PLD4: variants seen among roughly 807,000 people sequenced by gnomAD.
PLD4 encodes phospholipase D family member 4, also known as 5'-3' exonuclease PLD4.
PLD4 carries 54 observed loss-of-function variants against 52.3 expected under a neutral mutation model. That is an observed-to-expected ratio of 1.03 (90% confidence interval 0.83 to 1.30). PLD4 has a LOEUF of 1.30. PLD4 is among the 50% of genes most tolerant of loss of function. PLD4 has a pLI of 0.00. For missense variants in PLD4, 731 were observed against 671.1 expected (o/e 1.09, Z -0.99); for synonymous variants, 264 against 286.5 (o/e 0.92, Z 0.79).
chr14:104,929,248 G>A, intron 4 of PLD4, 59 bp from the exon 5 acceptor site: 2 of 1,567,684 alleles, frequency 1.3e-6, no homozygotes, highest in African/African-American at 2.7e-5. Context: ...GGGTCCTAGT[G>A]GGGATGCGGA....
chr14:104,929,059 C>T, intron 4 of PLD4, 127 bp downstream of exon 4: 1 of 1,317,214 alleles, frequency 7.6e-7, no homozygotes, highest in Non-Finnish European at 1.0e-6. Flanking sequence ...TAGCATGGAA[C>T]AGGGATTAGG....
Position 104,932,099 on chromosome 14 carries a change from C to A in PLD4, c.1146C>A (p.Asn382Lys). Residue 382 changes from asparagine (N) to lysine (K), a missense_variant, in exon 9 of 11, where the codon AAC (asparagine) becomes AAA (lysine). Coordinates refer to ENST00000392593, the MANE Select transcript of PLD4 (RefSeq NM_138790.5). This position sits in a 1 kb window ranked among gnomAD's most constrained non-coding sequence, Gnocchi z 6.5. ...GCCTGCTGGTCGGCTGCGGACTCAA[C>A]ACGGACCCCACCATGTTCCCCTACC... ...RVRLLVGCGL[N>K]TDPTMFPYLR... 1 of 1,610,812 alleles carries A rather than the reference C, an allele frequency of 6.2e-7. No homozygotes were observed. The highest frequency in any genetic ancestry group is 8.5e-7 in the Non-Finnish European group (1 of 1,179,278).
At chr14:104,937,161 T>G (rs1897831502), downstream of PLD4, 1 of 152,220 alleles carries the variant, frequency 6.6e-6, no homozygotes, top group African/African-American at 2.4e-5. Flanking sequence ...TTGACTGTTC[T>G]CTAGAGCTGC....
At chr14:104,931,627 C>G in intron 7 of PLD4, 121 bp from the exon 8 acceptor site, 1 of 1,341,628 alleles carries the variant, frequency 7.5e-7, no homozygotes, top group African/African-American at 1.5e-5. Context: ...CCTCATATTT[C>G]CAGGCACCTG....
intron 1 of PLD4, among the ~76,000 whole-genome samples, chr14:104,926,493 C>T (rs1347536199): frequency 2.6e-5 from 4 of 152,148 alleles, no homozygotes; most frequent in African/African-American, 9.7e-5. Context: ...CAGAGGACAA[C>T]CCCCTCTGCC....
downstream of PLD4, chr14:104,933,237 C>T (rs1897720477): frequency 5.1e-6 from 2 of 391,742 alleles, no homozygotes; most frequent in Non-Finnish European, 9.1e-6. Flanking sequence ...TCGTGGCTTC[C>T]CGGTGCCTCT....
In PLD4 at chr14:104,928,746, C is replaced by T; in HGVS notation, c.285-3C>T. ...ACTGAGCCCAGTGTGGCTCTCCCCACAGGCTTGTCCTTGTGGAAAGCATCC... is the reference window on the plus strand; with the variant it reads ...ACTGAGCCCAGTGTGGCTCTCCCCATAGGCTTGTCCTTGTGGAAAGCATCC... On this transcript the variant is annotated splice_region_variant and splice_polypyrimidine_tract_variant and intron_variant, in intron 3 of 10. Transcript: ENST00000392593. 1 of 1,571,934 alleles carries T rather than the reference C, an allele frequency of 6.4e-7. No individual in the cohort carries two copies.
chr14:104,927,250 G>T lies in PLD4; in HGVS notation c.90+20G>T, dbSNP rs1364262570. 1 of 1,517,906 alleles carries T rather than the reference G, an allele frequency of 6.6e-7. No individual in the cohort carries two copies. Among genetic ancestry groups the T allele is most frequent in the Non-Finnish European group, 8.9e-7 (1 of 1,128,480 alleles). 94.0% of individuals were successfully genotyped at this position (1,517,906 alleles called of 1,614,324 possible). ...GGCACGGTAGGACTGGGGGGCCCCAGGGGGGAGGTGGCTGGGATCAATGGC... is the reference window on the plus strand; with the variant it reads ...GGCACGGTAGGACTGGGGGGCCCCATGGGGGAGGTGGCTGGGATCAATGGC... On this transcript the variant is annotated intron_variant, in intron 2 of 10. Coordinates refer to ENST00000392593, the MANE Select transcript of PLD4 (RefSeq NM_138790.5).
In PLD4 at chr14:104,930,889, T is replaced by C. The variant is rs777375878; in HGVS notation, c.865T>C (p.Phe289Leu). 1 of 1,613,520 alleles carries C rather than the reference T, an allele frequency of 6.2e-7. No individual in the cohort carries two copies. Among genetic ancestry groups the C allele is most frequent in the Non-Finnish European group, 8.5e-7 (1 of 1,180,022 alleles). ...PQNFSSHFNR[F>L]QPFHGLFDGV... ...GAACTTCTCATCTCACTTCAACCGT[T>C]TCCAGCCCTTCCACGGCCTCTTTGA... The change falls in exon 7 of 11, where the codon TTC becomes CTC. Residue 289 changes from phenylalanine (F) to leucine (L), a missense_variant. Transcript: ENST00000392593.
intron 2 of PLD4, 146 bp from the exon 3 acceptor site, chr14:104,927,527 C>T: frequency 1.1e-6 from 1 of 942,546 alleles, no homozygotes; most frequent in Admixed American, 2.8e-5. Context: ...TCCCCTCTCC[C>T]TTGTCCACCC....
chr14:104,926,689 C>G (rs1897467159), intron 1 of PLD4, among the ~76,000 whole-genome samples: 1 of 152,226 alleles, frequency 6.6e-6, no homozygotes, highest in South Asian at 2.1e-4. Flanking sequence ...GACCAAGCGA[C>G]AAAAGCAGAA....
chr14:104,927,968 C>T, intron 3 of PLD4, 102 bp downstream of exon 3: 1 of 1,287,202 alleles, frequency 7.8e-7, no homozygotes, highest in Non-Finnish European at 1.0e-6. Flanking sequence ...GGGCCCTCTA[C>T]CAGCTCCTCC....
Position 104,932,175 on chromosome 14 carries a change from G to A in PLD4, c.1222G>A (p.Val408Met), listed in dbSNP as rs764526194. 3.1e-6 allele frequency: 5 copies of A among 1,611,450 alleles called. No individual in the cohort carries two copies. The highest frequency in any genetic ancestry group is 1.1e-5 in the South Asian group (1 of 90,984). Reference sequence around the variant, plus strand: ...CCCCGCGGCCAACGTCTCTGTGGACGTGGTGAGGGCGTGCTCCCGGCCGGG... The same window carrying A: ...CCCCGCGGCCAACGTCTCTGTGGACATGGTGAGGGCGTGCTCCCGGCCGGG... ...SNPAANVSVD[V>M]KVFIVPVGNH... The change falls in exon 9 of 11, where the codon GTG becomes ATG. Residue 408 changes from valine to methionine, a missense_variant and splice_region_variant. Val to Met is a conservative substitution (Grantham distance 21). Transcript: ENST00000392593. The surrounding 1 kb of genome is among the most constrained non-coding windows in gnomAD (Gnocchi z 6.5).
In PLD4 at chr14:104,930,056, G is replaced by A. The variant is rs1450707697; in HGVS notation, c.668G>A (p.Arg223Gln). ...TCCAAATTCTGGGTTGTGGATGGAC[G>A]GCACATATACATGGGCAGTGCCAAC... ...LHSKFWVVDGRHIYMGSANMD... is the reference protein window; with the variant it reads ...LHSKFWVVDGQHIYMGSANMD... Residue 223 changes from arginine to glutamine, a missense_variant, in exon 6 of 11, where the codon CGG (arginine) becomes CAG (glutamine). Arg to Gln is a conservative substitution (Grantham distance 43). Transcript: ENST00000392593. 36 of 1,613,504 alleles carry A rather than the reference G, an allele frequency of 2.2e-5. No individual in the cohort carries two copies. Among genetic ancestry groups the A allele is most frequent in the Non-Finnish European group, 2.9e-5 (34 of 1,179,990 alleles).
rs1897688729 is a variant in PLD4 at position 104,932,470 on chromosome 14, G to C, written c.1321+115G>C. 2 of 1,193,206 alleles carry C rather than the reference G, an allele frequency of 1.7e-6. No homozygotes were observed. The highest frequency in any genetic ancestry group is 2.1e-5 in the Admixed American group (1 of 46,704). The allele number at this position is 1,193,206 out of a possible 1,614,324, so 73.9% of individuals were successfully genotyped here. A position where few individuals can be genotyped will look rare whatever the true frequency, so the allele number is the denominator to read the frequency against. On this transcript the variant is annotated intron_variant, in intron 10 of 10. Transcript: ENST00000392593. This position sits in a 1 kb window ranked among gnomAD's most constrained non-coding sequence, Gnocchi z 6.5. ...CAGGAGGGAGGGGCTGCTGCTGAAG[G>C]GGGACGGGGTCTCCATGGAGTTCCG...
downstream of PLD4, chr14:104,935,895 A>G (rs1410036341): frequency 6.6e-6 from 1 of 152,212 alleles, no homozygotes; most frequent in African/African-American, 2.4e-5. Flanking sequence ...AGGGGAGACC[A>G]CAGCCCCAGC....
chr14:104,926,316 T>C (rs2140794940), intron 1 of PLD4, among the ~76,000 whole-genome samples: 1 of 152,324 alleles, frequency 6.6e-6, no homozygotes, highest in African/African-American at 2.4e-5. Flanking sequence ...AGGGCGCCTC[T>C]GTACTTGTGA....
At chr14:104,930,169 G>A in intron 6 of PLD4, 64 bp downstream of exon 6, 1 of 1,593,290 alleles carries the variant, frequency 6.3e-7, no homozygotes, top group Non-Finnish European at 8.6e-7. Flanking sequence ...CACTCCTGGG[G>A]ACTTGGCCTG....
chr14:104,932,600 G>A lies in PLD4; in HGVS notation c.1322-165G>A, dbSNP rs1341766311. Among the ~76,000 whole-genome samples, 5 of 152,224 alleles carry A rather than the reference G, an allele frequency of 3.3e-5. No homozygotes were observed. The highest frequency in any genetic ancestry group is 1.2e-4 in the African/African-American group (5 of 41,464). ...AGGTGGAGTTCTACCGCGACCAGCT[G>A]TCCCTCCCGCACCTAAGCGAGGGGC... is the stretch of plus-strand genomic sequence containing the variant. On this transcript the variant is annotated intron_variant, in intron 10 of 10. Coordinates refer to ENST00000392593, the MANE Select transcript of PLD4 (RefSeq NM_138790.5). The surrounding 1 kb of genome is among the most constrained non-coding windows in gnomAD (Gnocchi z 6.5).
Sources: allele counts gnomAD v4.1 joint callset (sites outside exome capture counted in the v4.1 genomes callset), GRCh38; gene constraint gnomAD v4.1.1; non-coding constraint Gnocchi (gnomAD v3.1); transcripts MANE v1.5; gene names NCBI Gene and HGNC (gene_info 2026-07-23, HGNC 2026-07-21).